PZP: variants seen among roughly 807,000 people sequenced by gnomAD.
PZP encodes the protein PZP alpha-2-macroglobulin like.
PZP carries 150 observed loss-of-function variants against 179.8 expected under a neutral mutation model. The observed-to-expected ratio is 0.83, with a 90% CI of 0.73 to 0.96. PZP has a LOEUF of 0.96. Ranked by LOEUF, PZP falls within the 40% of genes least tolerant of loss-of-function variation. The probability of loss-of-function intolerance (pLI) is 0.00; values close to 1 mark genes in which losing one functional copy is unlikely to be tolerated. For missense variants in PZP, 1,689 were observed against 1,764.0 expected (o/e 0.96, Z 0.76); for synonymous variants, 624 against 652.3 (o/e 0.96, Z 0.66).
chr12:9,167,507 C>T (rs1048172228), intron 17 of PZP: 1 of 152,212 alleles, frequency 6.6e-6, no homozygotes, highest in African/African-American at 2.4e-5. Flanking sequence ...TCACCGCTTC[C>T]CTTGGCTGGG....
chr12:9,141,111 A>C, the PZP span, among the ~76,000 whole-genome samples: 7 of 152,208 alleles, frequency 4.6e-5, no homozygotes, highest in Non-Finnish European at 8.8e-5. Flanking sequence ...AATTGACAAG[A>C]ATATCTGTTA....
intron 13 of PZP, among the ~76,000 whole-genome samples, chr12:9,190,980 T>C (rs140983141): frequency 6.6e-6 from 1 of 152,264 alleles, no homozygotes; most frequent in African/African-American, 2.4e-5. Context: ...AATTAATAAC[T>C]ATTAAAATAT....
chr12:9,179,212 A>C (rs553482425), intron 15 of PZP, among the ~76,000 whole-genome samples: 114 of 152,280 alleles, frequency 7.5e-4, no homozygotes, highest in Non-Finnish European at 1.3e-3. Flanking sequence ...TCTGATAATT[A>C]TTCTTCAAAA....
chr12:9,182,084 T>C lies in PZP; in HGVS notation c.1580A>G (p.Glu527Gly). 6.2e-7 allele frequency: 1 copy of C among 1,613,100 alleles called. No homozygotes were observed. Among genetic ancestry groups the C allele is most frequent in the Non-Finnish European group, 8.5e-7 (1 of 1,179,624 alleles). The change falls in exon 14 of 36, where the codon GAG becomes GGG. Residue 527 changes from glutamate (E) to glycine (G), a missense_variant. Glu to Gly is a moderately conservative substitution (Grantham distance 98). Coordinates refer to ENST00000261336, the MANE Select transcript of PZP (RefSeq NM_002864.3). ...KGSFALSFPV[E>G]SDVAPIARMF... Reference sequence around the variant, plus strand: ...TCGTGCAATGGGGGCAACGTCTGACTCCACAGGGAAGGATAAGGCAAAACT... The same window carrying C: ...TCGTGCAATGGGGGCAACGTCTGACCCCACAGGGAAGGATAAGGCAAAACT...
At chr12:9,145,546 C>G (rs1362437171), downstream of PZP, among the ~76,000 whole-genome samples, 1 of 152,064 alleles carries the variant, frequency 6.6e-6, no homozygotes, top group Non-Finnish European at 1.5e-5. Context: ...ATACTTTTCT[C>G]TTTTAACTTT....
chr12:9,167,618 C>G (rs1941682482), intron 17 of PZP: 2 of 152,152 alleles, frequency 1.3e-5, no homozygotes, highest in Non-Finnish European at 2.9e-5. Context: ...AAGTTCTTAT[C>G]AAGAAATTTC....
intron 13 of PZP, among the ~76,000 whole-genome samples, chr12:9,184,515 G>C (rs1489270337): frequency 6.6e-6 from 1 of 152,174 alleles, no homozygotes; most frequent in African/African-American, 2.4e-5. Context: ...CCTGCACAAA[G>C]GCCAGCAACC....
At chr12:9,150,815 T>C (rs1477149817) in intron 33 of PZP, 69 bp from the exon 34 acceptor site, 11 of 943,924 alleles carry the variant, frequency 1.2e-5, no homozygotes, top group Middle Eastern at 4.2e-4. Context: ...GCAAAACATA[T>C]TCTTATTGTT....
chr12:9,157,888 T>C, intron 26 of PZP, 47 bp from the exon 27 acceptor site: 1 of 1,471,826 alleles, frequency 6.8e-7, no homozygotes, highest in South Asian at 1.2e-5. Flanking sequence ...CAAGTGTTAG[T>C]ATATTCTCTT....
rs766332756 is a variant in PZP, at chr12:9,154,809, C to T, written c.3581G>A (p.Arg1194Lys). ...AAGATGCCCCACTGGTGCCTTGGGT[C>T]TCTGAGGGCGCTCCCAATGGACGAG... ...DNLVHWERPQRPKAPVGHLYQ... is the reference protein window; with the variant it reads ...DNLVHWERPQKPKAPVGHLYQ... The change falls in exon 29 of 36, where the codon AGA becomes AAA. Residue 1194 changes from arginine to lysine, a missense_variant. Coordinates refer to ENST00000261336, the MANE Select transcript of PZP (RefSeq NM_002864.3). The T allele has an allele frequency of 4.3e-6, 7 of 1,614,074 alleles. No individual in the cohort carries two copies. The highest frequency in any genetic ancestry group is 5.9e-6 in the Non-Finnish European group (7 of 1,180,010).
intron 18 of PZP, 131 bp from the exon 19 acceptor site, chr12:9,165,498 G>T: frequency 2.0e-6 from 2 of 977,130 alleles, no homozygotes; most frequent in Non-Finnish European, 3.0e-6. Flanking sequence ...GTGCATTCGT[G>T]TGAACACTAG....
chr12:9,164,260 C>G lies in PZP; in HGVS notation c.2488-1G>C. Reference sequence around the variant, plus strand: ...GAGAGGCTTTCAGCTGCACACTGACCTATCACCCCATGTGAGGCAGAGACA... The same window carrying G: ...GAGAGGCTTTCAGCTGCACACTGACGTATCACCCCATGTGAGGCAGAGACA... On this transcript the variant is annotated splice_acceptor_variant, in intron 19 of 35. Transcript: ENST00000261336. LOFTEE classifies it high-confidence loss of function. 6.2e-7 allele frequency: 1 copy of G among 1,612,524 alleles called. No homozygotes were observed. The highest frequency in any genetic ancestry group is 8.5e-7 in the Non-Finnish European group (1 of 1,178,930).
intron 15 of PZP, among the ~76,000 whole-genome samples, chr12:9,178,540 A>G (rs1942543091): frequency 6.6e-6 from 1 of 152,214 alleles, no homozygotes; most frequent in Non-Finnish European, 1.5e-5. Flanking sequence ...AGAAAAAATA[A>G]TGTATGCTGA....
chr12:9,159,213 C>T (rs1940990782), intron 25 of PZP, among the ~76,000 whole-genome samples: 1 of 151,962 alleles, frequency 6.6e-6, no homozygotes, highest in Admixed American at 6.6e-5. Flanking sequence ...TATAATGTTC[C>T]CTTAGCAACA....
intron 10 of PZP, among the ~76,000 whole-genome samples, chr12:9,195,112 A>G (rs1336910281): frequency 6.6e-6 from 1 of 152,180 alleles, no homozygotes; most frequent in East Asian, 1.9e-4. Flanking sequence ...TAGCAAAAAA[A>G]GGACAAATAT....
Position 9,202,583 on chromosome 12 carries a change from G to A in PZP, c.369C>T (p.Asn123=). 6.2e-7 allele frequency: 1 copy of A among 1,614,098 alleles called. No individual in the cohort carries two copies. The highest frequency in any genetic ancestry group is 8.5e-7 in the Non-Finnish European group (1 of 1,179,996). The change falls in exon 3 of 36, where the codon AAC becomes AAT. Residue 123 remains asparagine, a synonymous_variant. Transcript: ENST00000261336. ...FRKRNTVLVL[N]TQSLVFVQTD... is the part of the protein sequence containing the mutation. ...TCTGGACAAAGACCAGACTTTGGGT[G>A]TTCAGTACCAGAACTGTGTTCCTCT...
In PZP at chr12:9,165,330, C is replaced by T. The variant is rs1486539902; in HGVS notation, c.2296G>A (p.Asp766Asn). The T allele has an allele frequency of 6.2e-7, 1 of 1,614,010 alleles. No individual in the cohort carries two copies. Among genetic ancestry groups the T allele is most frequent in the African/African-American group, 1.3e-5 (1 of 74,926 alleles). The change falls in exon 19 of 36, where the codon GAC (aspartate) becomes AAC (asparagine). Residue 766 changes from aspartate to asparagine, a missense_variant. Coordinates refer to ENST00000261336, the MANE Select transcript of PZP (RefSeq NM_002864.3). ...CCTGCCTTCCACTCGGTGATGGTGTCAGGGACTGTTACTCCTACCTCAGCC... is the reference window on the plus strand; with the variant it reads ...CCTGCCTTCCACTCGGTGATGGTGTTAGGGACTGTTACTCCTACCTCAGCC... ...GVAEVGVTVP[D>N]TITEWKAGAF...
chr12:9,200,540 A>G, intron 6 of PZP, 92 bp from the exon 7 acceptor site: 2 of 987,786 alleles, frequency 2.0e-6, no homozygotes, highest in Non-Finnish European at 3.1e-6. Flanking sequence ...TTCCCAAAAT[A>G]ACACTCTGAA....
At chr12:9,183,380 G>A (rs938698433) in intron 13 of PZP, among the ~76,000 whole-genome samples, 13 of 150,424 alleles carry the variant, frequency 8.6e-5, no homozygotes, top group Admixed American at 6.0e-4. Flanking sequence ...GTCCCATAAC[G>A]TTATGTTGTA....
Sources: allele counts gnomAD v4.1 joint callset (sites outside exome capture counted in the v4.1 genomes callset), GRCh38; gene constraint gnomAD v4.1.1; transcripts MANE v1.5; gene names NCBI Gene and HGNC (gene_info 2026-07-23, HGNC 2026-07-21).